The following SRGN variants were observed in gnomAD, a reference collection of about 807,000 sequenced individuals.
SRGN encodes serglycin, also known as hematopoetic proteoglycan core peptide.
SRGN carries 2 observed loss-of-function variants against 9.5 expected under a neutral mutation model. That is an observed-to-expected ratio of 0.21 (90% CI 0.09 to 0.66). The LOEUF (loss-of-function observed/expected upper bound fraction) is 0.66, where lower values mean the gene tolerates loss of function less well. Among genes scored for constraint, SRGN ranks in the 30% least tolerant of loss-of-function variants. The pLI, the probability that SRGN is intolerant of heterozygous loss-of-function variation, is 0.83. For missense variants in SRGN, 170 were observed against 192.4 expected, an observed-to-expected ratio of 0.88 and a Z score of 0.69; for synonymous variants, 59 against 72.3, an observed-to-expected ratio of 0.82 and a Z score of 0.93.
chr10:69,095,237 G>A (rs113523129), intron 1 of SRGN, among the ~76,000 whole-genome samples: 8 of 151,190 alleles, frequency 5.3e-5, no homozygotes, highest in African/African-American at 1.9e-4. Context: ...GAACCTGGGA[G>A]GCAGAGGTTG....
intron 2 of SRGN, among the ~76,000 whole-genome samples, chr10:69,100,903 G>A (rs571685834): frequency 2.0e-5 from 3 of 152,182 alleles, no homozygotes; most frequent in African/African-American, 7.2e-5. Context: ...GATGCCTCTA[G>A]TCCCTGGGCT....
At chr10:69,095,911 C>CAATAA (rs57868663) in intron 1 of SRGN, among the ~76,000 whole-genome samples, 28,983 of 149,378 alleles carry the variant, frequency 0.19, 3,162 homozygotes, top group Non-Finnish European at 0.23. Context: ...GACTCTCTCT[C>CAATAA]AATAAAATAA....
intron 1 of SRGN, among the ~76,000 whole-genome samples, chr10:69,094,211 C>A (rs1001885263): frequency 1.3e-5 from 2 of 152,314 alleles, no homozygotes; most frequent in Middle Eastern, 3.4e-3. Context: ...TGCCTTATCC[C>A]CAGCCTCCAG....
At position 69,102,173 on chromosome 10, in the gene SRGN, A is replaced by G. The variant is rs570834735; in HGVS notation, c.228-1698A>G. On this transcript the variant is annotated intron_variant, in intron 2 of 2. Transcript: ENST00000242465. Reference sequence around the variant, plus strand: ...CTTTTTCCTCTGCTCAGTATTTAACATGTTGGTGTGACCCTGGCTCTGGCC... The same window carrying G: ...CTTTTTCCTCTGCTCAGTATTTAACGTGTTGGTGTGACCCTGGCTCTGGCC... 4.6e-5 allele frequency among the ~76,000 whole-genome samples: 7 copies of G among 151,924 alleles called. No individual in the cohort carries two copies. The East Asian group carries it at 1.4e-3, about 29-fold the overall frequency.
intron 1 of SRGN, among the ~76,000 whole-genome samples, chr10:69,094,004 C>T (rs1840122136): frequency 6.6e-6 from 1 of 152,136 alleles, no homozygotes; most frequent in African/African-American, 2.4e-5. Context: ...TGTTGTCCTC[C>T]TCCTTTTCAT....
At chr10:69,087,986 T>A, upstream of SRGN, 1 of 489,820 alleles carries the variant, frequency 2.0e-6, no homozygotes, top group African/African-American at 2.0e-5. Context: ...CCCACCCCCT[T>A]TCTTTCTGGG....
At chr10:69,087,860 GA>G (rs1001150845), upstream of SRGN, among the ~76,000 whole-genome samples, 2 of 150,400 alleles carry the variant, frequency 1.3e-5, no homozygotes, top group Admixed American at 6.6e-5. Context: ...GTTTCGGTGG[GA>G]AAAAAAAATG....
chr10:69,089,598 A>G (rs1840008115), intron 1 of SRGN, among the ~76,000 whole-genome samples: 1 of 152,226 alleles, frequency 6.6e-6, no homozygotes. Flanking sequence ...AATATTCATT[A>G]GAAAGAAATG....
At chr10:69,097,621 G>A (rs1269197162) in intron 2 of SRGN, among the ~76,000 whole-genome samples, 1 of 152,026 alleles carries the variant, frequency 6.6e-6, no homozygotes, top group Non-Finnish European at 1.5e-5. Context: ...TAGAGACGGG[G>A]TTTCACCTTA....
At chr10:69,093,168 C>CACTTG (rs2132154581) in intron 1 of SRGN, among the ~76,000 whole-genome samples, 1 of 152,280 alleles carries the variant, frequency 6.6e-6, no homozygotes, top group South Asian at 2.1e-4. Flanking sequence ...AGCCACAAGT[C>CACTTG]ACTTGTGGCT....
intron 2 of SRGN, among the ~76,000 whole-genome samples, chr10:69,099,616 C>T (rs1840250201): frequency 6.6e-6 from 1 of 152,062 alleles, no homozygotes; most frequent in African/African-American, 2.4e-5. Flanking sequence ...TGGTGACTTT[C>T]TCCATCACTG....
Position 69,096,817 on chromosome 10 carries a change from A to C in SRGN, c.80-267A>C, listed in dbSNP as rs1468926466. ...TAGTGAGACCCCCATCTCTCCAAAA[A>C]ACAAACAAACAAACAAAAACAAAAC... On this transcript the variant is annotated intron_variant, in intron 1 of 2. Transcript: ENST00000242465. Among the ~76,000 whole-genome samples, 6 of 151,958 alleles carry C rather than the reference A, an allele frequency of 3.9e-5. No individual in the cohort carries two copies. In the East Asian group the frequency reaches 1.2e-3, roughly 29 times the overall value.
chr10:69,091,433 C>G (rs1346201889), intron 1 of SRGN, among the ~76,000 whole-genome samples: 1 of 152,174 alleles, frequency 6.6e-6, no homozygotes, highest in Non-Finnish European at 1.5e-5. Context: ...GTGGGGGAAG[C>G]TTATCCATCT....
At chr10:69,094,542 A>C (rs981360636) in intron 1 of SRGN, among the ~76,000 whole-genome samples, 1 of 152,068 alleles carries the variant, frequency 6.6e-6, no homozygotes, top group Non-Finnish European at 1.5e-5. Context: ...ACTATTATTC[A>C]TGCAAAGAGG....
At chr10:69,095,669 C>T (rs1840159615) in intron 1 of SRGN, among the ~76,000 whole-genome samples, 1 of 152,082 alleles carries the variant, frequency 6.6e-6, no homozygotes, top group African/African-American at 2.4e-5. Flanking sequence ...CTCACATTTT[C>T]AGAGGCCAAG....
At chr10:69,091,561 T>G (rs1840052350) in intron 1 of SRGN, among the ~76,000 whole-genome samples, 1 of 152,114 alleles carries the variant, frequency 6.6e-6, no homozygotes. Context: ...TTCTCTAACA[T>G]GCCTGCAGTA....
At chr10:69,095,101 A>T (rs543874366) in intron 1 of SRGN, among the ~76,000 whole-genome samples, 39 of 151,492 alleles carry the variant, frequency 2.6e-4, no homozygotes, top group Non-Finnish European at 4.1e-4. Context: ...TGAGGTCAGG[A>T]GTTCGAGACC....
rs368918861 is a variant in SRGN at position 69,103,937 on chromosome 10, C to T, written c.294C>T (p.Phe98=). 36 of 1,614,010 alleles carry T rather than the reference C, an allele frequency of 2.2e-5. No homozygotes were observed. Among genetic ancestry groups the T allele is most frequent in the Admixed American group, 1.7e-5 (1 of 59,990 alleles). Residue 98 remains phenylalanine (F), a synonymous_variant, in exon 3 of 3, where the codon TTC becomes TTT. Coordinates refer to ENST00000242465, the MANE Select transcript of SRGN (RefSeq NM_002727.4). ...CTGAGGACTACTCTGGATCAGGCTT[C>T]GGCTCCGGCTCCGGCTCTGGATCAG... ...PLSEDYSGSG[F]GSGSGSGSGS...
intron 2 of SRGN, among the ~76,000 whole-genome samples, chr10:69,100,226 G>A (rs1840260723): frequency 6.6e-6 from 1 of 151,972 alleles, no homozygotes; most frequent in Admixed American, 6.6e-5. Context: ...AGCCAAGCAT[G>A]GAGAAACCTC....
Sources: gnomAD v4.1 joint callset for allele counts (sites outside exome capture counted in the v4.1 genomes callset) on GRCh38, gnomAD v4.1.1 for gene constraint, MANE v1.5 for transcripts, NCBI Gene and HGNC (gene_info 2026-07-23, HGNC 2026-07-21) for gene names.